The following COL6A5 variants were observed in gnomAD, a reference collection of about 807,000 sequenced individuals.
COL6A5 encodes the protein collagen type VI alpha 5 chain.
In COL6A5, 48 loss-of-function variants were observed where a neutral mutation model predicts 65.6. The ratio of observed to expected loss-of-function variants is 0.73; its 90% CI spans 0.58 to 0.93. The LOEUF (loss-of-function observed/expected upper bound fraction) is 0.93. Ranked by LOEUF, COL6A5 falls within the 40% of genes least tolerant of loss-of-function variation. The pLI is 0.00. For synonymous variants in COL6A5, 291 were observed against 322.8 expected (o/e 0.90, Z 1.05); for missense variants, 914 against 928.3 (o/e 0.98, Z 0.20).
intron 7 of COL6A5, among the ~76,000 whole-genome samples, chr3:130,472,827 G>GTATATATATATATA (rs1348903661): frequency 1.4e-3 from 24 of 17,710 alleles, no homozygotes; most frequent in East Asian, 4.3e-3. Flanking sequence ...ATATGTGTGT[G>GTATATATATATATA]TATACATATA....
intron 24 of COL6A5, among the ~76,000 whole-genome samples, chr3:130,417,417 C>A (rs1288915895): frequency 6.6e-6 from 1 of 152,102 alleles, no homozygotes; most frequent in Non-Finnish European, 1.5e-5. Context: ...CTCTTCCTTC[C>A]ATTGAGCAAA....
intron 4 of COL6A5, among the ~76,000 whole-genome samples, chr3:130,452,431 T>G (rs570355861): frequency 8.3e-4 from 127 of 152,190 alleles, no homozygotes; most frequent in African/African-American, 3.0e-3. Context: ...AGAGAGAAAT[T>G]TTAAAGCTGG....
At chr3:130,410,719 T>C (rs1464089454) in intron 20 of COL6A5, among the ~76,000 whole-genome samples, 195 bp downstream of exon 20, 1 of 152,142 alleles carries the variant, frequency 6.6e-6, no homozygotes, top group African/African-American at 2.4e-5. Flanking sequence ...GCCAGATGTT[T>C]TGCAGCATCC....
chr3:130,395,470 G>C lies in COL6A5; in HGVS notation c.3568+5G>C. The C allele has an allele frequency of 6.5e-7, 1 of 1,530,372 alleles. No homozygotes were observed. Among genetic ancestry groups the C allele is most frequent in the Non-Finnish European group, 8.8e-7 (1 of 1,141,066 alleles). 94.8% of individuals were successfully genotyped at this position (1,530,372 alleles called of 1,614,324 possible). On this transcript the variant is annotated splice_donor_5th_base_variant and intron_variant and NMD_transcript_variant, in intron 8 of 41. Coordinates refer to the COL6A5 transcript ENST00000312481. ...GCCAGAGCTGTGGGAAAACCAGTAA[G>C]TGCTTCTTGTTTGGTTTTCTTCCAT... is the stretch of plus-strand genomic sequence containing the variant.
At chr3:130,402,797 A>G (rs1328697470) in intron 12 of COL6A5, among the ~76,000 whole-genome samples, 1 of 152,146 alleles carries the variant, frequency 6.6e-6, no homozygotes. Flanking sequence ...CAATTAAACT[A>G]TACATTTATA....
chr3:130,438,676 T>C (rs75966450), intron 1 of COL6A5, among the ~76,000 whole-genome samples: 4,411 of 152,304 alleles, frequency 0.029, 148 homozygotes, highest in African/African-American at 0.08. Flanking sequence ...CCCTTTAATT[T>C]GCTCAGAGAG....
At chr3:130,392,307 G>A (rs572480274) in intron 7 of COL6A5, among the ~76,000 whole-genome samples, 114 of 152,292 alleles carry the variant, frequency 7.5e-4, no homozygotes, top group African/African-American at 2.6e-3. Context: ...AGAGTTGAAC[G>A]TAGGGTAATG....
chr3:130,419,866 A>G (rs1291728010), intron 25 of COL6A5, among the ~76,000 whole-genome samples: 1 of 152,164 alleles, frequency 6.6e-6, no homozygotes, highest in Non-Finnish European at 1.5e-5. Flanking sequence ...TAATAACAAT[A>G]TATCGTATAT....
chr3:130,422,685 T>G lies in COL6A5; in HGVS notation c.5038-35T>G, dbSNP rs370417353. ...TTTTTAATTCTTTCATAGCAAATAC[T>G]TTAACATCTTGACTTTTTATATCTG... On this transcript the variant is annotated intron_variant and NMD_transcript_variant, in intron 27 of 41. Coordinates refer to the COL6A5 transcript ENST00000312481. 1,703 of 1,368,586 alleles carry G rather than the reference T, an allele frequency of 1.2e-3. 2 individuals are homozygous for G. The highest frequency in any genetic ancestry group is 1.6e-3 in the Non-Finnish European group (1,561 of 989,884). The allele number at this position is 1,368,586 out of a possible 1,614,324, so 84.8% of individuals were successfully genotyped here.
rs377154331 is a variant in COL6A5, at chr3:130,470,962, T to C, written c.2325T>C (p.Thr775=). 279 of 1,609,572 alleles carry C rather than the reference T, an allele frequency of 1.7e-4. 4 individuals are homozygous for C. In the African/African-American group the frequency reaches 3.4e-3, roughly 19 times the overall value. ...CAGAGAACGGTGGCACAGAAAACAC[T>C]GTATTGTGAGTTGAGAAATTCCAAG... Residue 775 remains threonine (T), a synonymous_variant, in exon 7 of 8, where the codon ACT becomes ACC. Coordinates refer to ENST00000512836, the Ensembl canonical transcript of COL6A5.
At chr3:130,382,056 T>C (rs141248434) in intron 4 of COL6A5, among the ~76,000 whole-genome samples, 48 of 151,664 alleles carry the variant, frequency 3.2e-4, no homozygotes, top group African/African-American at 1.1e-3. Flanking sequence ...TTAGGAAATG[T>C]AACCAGAAAA....
At chr3:130,375,323 G>A (rs75529978) in intron 2 of COL6A5, among the ~76,000 whole-genome samples, 156 of 152,196 alleles carry the variant, frequency 1.0e-3, no homozygotes, top group African/African-American at 3.7e-3. Flanking sequence ...GACTAATAGG[G>A]TAGCACAAAA....
intron 1 of COL6A5, among the ~76,000 whole-genome samples, chr3:130,433,146 C>A (rs191919799): frequency 1.3e-5 from 2 of 152,234 alleles, no homozygotes; most frequent in African/African-American, 4.8e-5. Context: ...CAGAGAGTTA[C>A]AACAGATCCT....
chr3:130,372,193 G>A (rs1477841252), intron 1 of COL6A5, among the ~76,000 whole-genome samples: 1 of 152,076 alleles, frequency 6.6e-6, no homozygotes, highest in Non-Finnish European at 1.5e-5. Context: ...GGAGAAGTTG[G>A]GACCTTTATA....
At chr3:130,382,227 C>A (rs867980814) in intron 4 of COL6A5, among the ~76,000 whole-genome samples, 1 of 151,948 alleles carries the variant, frequency 6.6e-6, no homozygotes, top group South Asian at 2.1e-4. Context: ...AACAAACAAA[C>A]AAACAACAAC....
intron 4 of COL6A5, among the ~76,000 whole-genome samples, chr3:130,444,388 A>G (rs1577516138): frequency 6.6e-6 from 1 of 152,140 alleles, no homozygotes; most frequent in African/African-American, 2.4e-5. Context: ...AGAAGTGTCC[A>G]TGAAATCTTC....
intron 29 of COL6A5, among the ~76,000 whole-genome samples, chr3:130,424,579 G>A (rs1167239019): frequency 6.6e-6 from 1 of 152,092 alleles, no homozygotes; most frequent in Non-Finnish European, 1.5e-5. Flanking sequence ...GAGTGGATAA[G>A]CTGCTTATCT....
chr3:130,422,042 C>T (rs200365029), intron 27 of COL6A5, among the ~76,000 whole-genome samples: 1 of 152,074 alleles, frequency 6.6e-6, no homozygotes, highest in African/African-American at 2.4e-5. Flanking sequence ...TATTAAAATA[C>T]AAAATATGGG....
intron 1 of COL6A5, among the ~76,000 whole-genome samples, chr3:130,371,438 A>G (rs1454550433): frequency 6.6e-6 from 1 of 152,214 alleles, no homozygotes; most frequent in Non-Finnish European, 1.5e-5. Flanking sequence ...AAAAGGTAGC[A>G]TAATCAAGAC....
Sources: gnomAD v4.1 joint callset for allele counts (sites outside exome capture counted in the v4.1 genomes callset) on GRCh38, gnomAD v4.1.1 for gene constraint, MANE v1.5 for transcripts, NCBI Gene and HGNC (gene_info 2026-07-23, HGNC 2026-07-21) for gene names.